PTPRO: variants seen among roughly 807,000 people sequenced by gnomAD.
The protein encoded by PTPRO is receptor-type tyrosine-protein phosphatase O.
Under a neutral mutation model 145.2 loss-of-function variants are expected in PTPRO, and 62 were observed. The observed-to-expected ratio is 0.43, with a 90% confidence interval of 0.35 to 0.53. The LOEUF is 0.53. PTPRO is among the 20% of genes least tolerant of loss of function. PTPRO has a pLI of 0.01. For missense variants in PTPRO, 1,345 were observed against 1,482.7 expected (o/e 0.91, Z 1.53); for synonymous variants, 565 against 514.7 (o/e 1.10, Z -1.32).
At chr12:15,455,429 C>A (rs1224257147) in intron 1 of PTPRO, among the ~76,000 whole-genome samples, 2 of 151,946 alleles carry the variant, frequency 1.3e-5, no homozygotes, top group Non-Finnish European at 2.9e-5. Flanking sequence ...TTGCAGATTG[C>A]ACAATAAGAA....
At chr12:15,439,694 G>T (rs1940702895) in intron 1 of PTPRO, 4 of 468,116 alleles carry the variant, frequency 8.5e-6, no homozygotes, top group South Asian at 3.3e-5. Flanking sequence ...CAAGGCCGAG[G>T]ATGAGTGGAT....
chr12:15,511,129 G>A (rs1942431910), intron 7 of PTPRO, among the ~76,000 whole-genome samples: 1 of 152,084 alleles, frequency 6.6e-6, no homozygotes, highest in Non-Finnish European at 1.5e-5. Context: ...GAGGGACATT[G>A]GACTCAACTA....
intron 3 of PTPRO, among the ~76,000 whole-genome samples, chr12:15,498,753 A>G (rs1339799788): frequency 6.6e-6 from 1 of 152,240 alleles, no homozygotes; most frequent in Non-Finnish European, 1.5e-5. Context: ...ATGATTAAAA[A>G]GCAATTACTG....
intron 7 of PTPRO, among the ~76,000 whole-genome samples, chr12:15,511,003 C>CAAA (rs10648692): frequency 1.2e-4 from 13 of 105,656 alleles, no homozygotes; most frequent in African/African-American, 2.4e-4. Flanking sequence ...TCTGTCTCCA[C>CAAA]AAAAAAAAAA....
intron 1 of PTPRO, among the ~76,000 whole-genome samples, chr12:15,330,562 A>T (rs977666338): frequency 8.5e-5 from 13 of 152,162 alleles, no homozygotes; most frequent in Admixed American, 8.5e-4. Flanking sequence ...AGTTTGGCCA[A>T]TAGAAGGCAC....
intron 1 of PTPRO, among the ~76,000 whole-genome samples, chr12:15,407,598 G>T (rs1192616093): frequency 1.3e-5 from 2 of 149,038 alleles, no homozygotes; most frequent in Admixed American, 6.6e-5. Context: ...TGTGTAACCA[G>T]CTTATGTACT....
intron 1 of PTPRO, among the ~76,000 whole-genome samples, chr12:15,356,284 T>C (rs1218533871): frequency 1.3e-5 from 2 of 152,194 alleles, no homozygotes; most frequent in Non-Finnish European, 2.9e-5. Context: ...CAAGAAATGC[T>C]CTACATAAGT....
intron 1 of PTPRO, among the ~76,000 whole-genome samples, chr12:15,358,454 C>A (rs1425075452): frequency 6.6e-6 from 1 of 152,150 alleles, no homozygotes; most frequent in Non-Finnish European, 1.5e-5. Context: ...GACAACTATT[C>A]AATTCCATCC....
Position 15,378,934 on chromosome 12 carries a change from A to G in PTPRO, c.75+56133A>G, listed in dbSNP as rs182920456. Among the ~76,000 whole-genome samples the G allele has an allele frequency of 5.9e-5, 9 of 152,290 alleles. No individual in the cohort carries two copies. The East Asian group carries it at 1.7e-3, about 29-fold the overall frequency. On this transcript the variant is annotated intron_variant, in intron 1 of 26. Coordinates refer to ENST00000281171, the MANE Select transcript of PTPRO (RefSeq NM_030667.3). ...AATAAGCAAATAAAAAGATACTCAA[A>G]AGCATTTGTCAGTGGAGAAATGCAA...
intron 1 of PTPRO, among the ~76,000 whole-genome samples, chr12:15,477,734 T>G (rs1243902126): frequency 2.0e-5 from 3 of 152,026 alleles, no homozygotes; most frequent in African/African-American, 4.8e-5. Context: ...GCTGATGACT[T>G]CACTAGACAG....
At chr12:15,557,767 C>G (rs1943673826) in intron 16 of PTPRO, among the ~76,000 whole-genome samples, 1 of 151,916 alleles carries the variant, frequency 6.6e-6, no homozygotes, top group African/African-American at 2.4e-5. Flanking sequence ...GGGACTGAAA[C>G]AGTGGTGCAC....
chr12:15,393,808 A>G (rs1939260390), intron 1 of PTPRO, among the ~76,000 whole-genome samples: 1 of 152,132 alleles, frequency 6.6e-6, no homozygotes, highest in South Asian at 2.1e-4. Flanking sequence ...TGGGTTATAT[A>G]TGAAGAAAAG....
intron 12 of PTPRO, among the ~76,000 whole-genome samples, chr12:15,543,820 T>C (rs1943224628): frequency 1.3e-5 from 2 of 152,188 alleles, no homozygotes; most frequent in African/African-American, 2.4e-5. Context: ...GACTTTTTCT[T>C]GACCTTCGAA....
Position 15,581,426 on chromosome 12 carries a change from C to G in PTPRO, c.3133-253C>G, listed in dbSNP as rs563860726. 2.6e-5 allele frequency among the ~76,000 whole-genome samples: 4 copies of G among 152,010 alleles called. No homozygotes were observed. The East Asian group carries it at 5.8e-4, about 22-fold the overall frequency. The stretch of plus-strand genomic sequence containing the variant: ...AAGCGATTCTCCTGCCTCAGCCTCC[C>G]GAGTAGCTGGGGCATTCTGAGTGCT... On this transcript the variant is annotated intron_variant, in intron 22 of 26. Coordinates refer to ENST00000281171, the MANE Select transcript of PTPRO (RefSeq NM_030667.3).
In PTPRO at chr12:15,580,745, GA is replaced by G; in HGVS notation, c.3049del (p.Thr1017ProfsTer29). 1 of 1,614,044 alleles carries G rather than the reference GA, an allele frequency of 6.2e-7. No homozygotes were observed. Among genetic ancestry groups the G allele is most frequent in the Non-Finnish European group, 8.5e-7 (1 of 1,179,954 alleles). ...TATTGCCACCCAGGGGCCACTGCCT[GA>G]AACCAGAAATGACTTCTGGAAGATG... is the stretch of plus-strand genomic sequence containing the variant. The part of the protein sequence containing the change: ...EYIATQGPLP[E>X]TRNDFWKMVL... On this transcript the variant is annotated frameshift_variant, in exon 22 of 27. Coordinates refer to ENST00000281171, the MANE Select transcript of PTPRO (RefSeq NM_030667.3). LOFTEE classifies it high-confidence loss of function.
chr12:15,454,650 A>G (rs746139067), intron 1 of PTPRO, among the ~76,000 whole-genome samples: 61 of 152,196 alleles, frequency 4.0e-4, no homozygotes, highest in Non-Finnish European at 7.9e-4. Flanking sequence ...CCAACAAATC[A>G]CTACCACAAC....
At chr12:15,466,846 G>A (rs1457234261) in intron 1 of PTPRO, among the ~76,000 whole-genome samples, 1 of 152,178 alleles carries the variant, frequency 6.6e-6, no homozygotes, top group Non-Finnish European at 1.5e-5. Context: ...ATCTTAAAGT[G>A]ATAATTCATA....
chr12:15,406,923 A>G (rs1939663256), intron 1 of PTPRO, among the ~76,000 whole-genome samples: 2 of 152,368 alleles, frequency 1.3e-5, no homozygotes, highest in South Asian at 4.1e-4. Context: ...TTATCTCATC[A>G]CTAAAGTAGC....
intron 1 of PTPRO, among the ~76,000 whole-genome samples, chr12:15,332,681 C>G: frequency 6.6e-6 from 1 of 152,174 alleles, no homozygotes; most frequent in Admixed American, 6.5e-5. Context: ...TAGATATTGT[C>G]TCTAATATCA....
Sources: gnomAD v4.1 joint callset for allele counts (sites outside exome capture counted in the v4.1 genomes callset) on GRCh38, gnomAD v4.1.1 for gene constraint, MANE v1.5 for transcripts, NCBI Gene and HGNC (gene_info 2026-07-23, HGNC 2026-07-21) for gene names.